The following PRSS23 variants were observed in gnomAD, a reference collection of about 807,000 sequenced individuals.
PRSS23 encodes the protein protease, serine 23.
A neutral mutation model predicts 34.7 loss-of-function variants in PRSS23; 25 were observed. The ratio of observed to expected loss-of-function variants is 0.72; its 90% confidence interval spans 0.53 to 1.01. The LOEUF is 1.01. Ranked by LOEUF, PRSS23 falls within the 50% of genes least tolerant of loss-of-function variation. The pLI is 0.00. For synonymous variants in PRSS23, 176 were observed against 186.6 expected (o/e 0.94, Z 0.46); for missense variants, 445 against 475.6 (o/e 0.94, Z 0.60).
intron 2 of PRSS23, among the ~76,000 whole-genome samples, chr11:86,844,857 AG>A (rs1213982411): frequency 6.6e-6 from 1 of 152,218 alleles, no homozygotes; most frequent in Non-Finnish European, 1.5e-5. Context: ...TGAGAGGCCG[AG>A]GCAGGCAGAT....
chr11:86,829,650 G>A (rs1366700402), intron 2 of PRSS23, among the ~76,000 whole-genome samples: 2 of 152,134 alleles, frequency 1.3e-5, no homozygotes, highest in Non-Finnish European at 2.9e-5. Context: ...TGATGGTGAT[G>A]TACAGATGGG....
rs1457144010 is a variant in PRSS23 at position 86,808,929 on chromosome 11, T to C, written c.*134T>C. The C allele has an allele frequency of 5.3e-6, 4 of 747,750 alleles. No individual in the cohort carries two copies. The highest frequency in any genetic ancestry group is 8.6e-6 in the Non-Finnish European group (4 of 464,300). The allele number at this position is 747,750 out of a possible 1,614,324, so 46.3% of individuals were successfully genotyped here. On this transcript the variant is annotated 3_prime_UTR_variant, in exon 2 of 2. Coordinates refer to ENST00000280258, the MANE Select transcript of PRSS23 (RefSeq NM_007173.6). ...GTGTGTAAGGTGTCTTATAATCTTT[T>C]ACCTATTTCTTACAATTGCAAGATG...
intron 2 of PRSS23, among the ~76,000 whole-genome samples, chr11:86,868,574 C>T (rs531315380): frequency 1.3e-5 from 2 of 152,242 alleles, no homozygotes; most frequent in East Asian, 3.9e-4. Flanking sequence ...CCCAGTCTCC[C>T]TTTGACCCTG....
intron 2 of PRSS23, among the ~76,000 whole-genome samples, chr11:86,828,822 C>A (rs557738341): frequency 2.0e-5 from 3 of 152,104 alleles, no homozygotes; most frequent in African/African-American, 7.2e-5. Flanking sequence ...GAATATTGGC[C>A]CCCACTCTCT....
At chr11:86,877,032 A>C (rs991143462) in intron 2 of PRSS23, among the ~76,000 whole-genome samples, 5 of 152,194 alleles carry the variant, frequency 3.3e-5, no homozygotes, top group Non-Finnish European at 7.3e-5. Flanking sequence ...AGCCATCTCA[A>C]TGAGCGAGGC....
At chr11:86,847,324 G>A (rs759074183) in intron 2 of PRSS23, among the ~76,000 whole-genome samples, 41 of 152,180 alleles carry the variant, frequency 2.7e-4, no homozygotes, top group Admixed American at 6.5e-4. Context: ...CCCAACCCAG[G>A]CCTTGCCACC....
intron 2 of PRSS23, among the ~76,000 whole-genome samples, chr11:86,876,044 G>A (rs939938276): frequency 1.3e-5 from 2 of 152,158 alleles, no homozygotes; most frequent in Admixed American, 1.3e-4. Context: ...AGGTAGACGT[G>A]TACAAGTCAC....
At chr11:86,840,768 C>A (rs1047076400) in intron 2 of PRSS23, among the ~76,000 whole-genome samples, 1 of 152,170 alleles carries the variant, frequency 6.6e-6, no homozygotes, top group Non-Finnish European at 1.5e-5. Context: ...ATCTGTCAGA[C>A]CACAGTGCAA....
intron 2 of PRSS23, among the ~76,000 whole-genome samples, chr11:86,831,453 AT>A (rs1240389911): frequency 6.6e-6 from 1 of 151,640 alleles, no homozygotes; most frequent in Non-Finnish European, 1.5e-5. Flanking sequence ...CCCCTGTGAA[AT>A]TTTTTGTAAT....
At chr11:86,943,405 G>A (rs1227294412) in intron 2 of PRSS23, among the ~76,000 whole-genome samples, 2 of 152,094 alleles carry the variant, frequency 1.3e-5, no homozygotes, top group Non-Finnish European at 2.9e-5. Flanking sequence ...CGGGAGGATC[G>A]CCTGAGGTCA....
At chr11:86,820,427 TGAG>T (rs1382530080) in intron 1 of PRSS23, among the ~76,000 whole-genome samples, 2 of 152,124 alleles carry the variant, frequency 1.3e-5, no homozygotes, top group Non-Finnish European at 2.9e-5. Flanking sequence ...TTAAGGGAAA[TGAG>T]GAGTGGACAG....
intron 2 of PRSS23, among the ~76,000 whole-genome samples, chr11:86,825,709 T>G (rs1360990962): frequency 1.3e-5 from 2 of 152,064 alleles, no homozygotes; most frequent in Non-Finnish European, 2.9e-5. Flanking sequence ...GACTAGCCAG[T>G]TTTCCCAGCA....
At chr11:86,793,110 G>T (rs1159174609) in intron 1 of PRSS23, among the ~76,000 whole-genome samples, 1 of 152,116 alleles carries the variant, frequency 6.6e-6, no homozygotes, top group South Asian at 2.1e-4. Flanking sequence ...TCTTTAGAAG[G>T]CTTCTATATT....
intron 2 of PRSS23, chr11:86,947,877 G>T (rs1175767918): frequency 1.3e-5 from 2 of 152,222 alleles, no homozygotes. Flanking sequence ...TTCTGAGGAA[G>T]CTACAATCAT....
At chr11:86,854,485 T>C (rs144633116) in intron 2 of PRSS23, among the ~76,000 whole-genome samples, 9,873 of 152,290 alleles carry the variant, frequency 0.065, 456 homozygotes, top group Non-Finnish European at 0.093. Flanking sequence ...GTTCACAGTG[T>C]TTTTTGATGC....
At chr11:86,874,363 C>T (rs1384846034) in intron 2 of PRSS23, among the ~76,000 whole-genome samples, 1 of 152,180 alleles carries the variant, frequency 6.6e-6, no homozygotes, top group South Asian at 2.1e-4. Context: ...AATGATGAAA[C>T]ATTTGTTAAT....
At chr11:86,835,654 G>T (rs961556900) in intron 2 of PRSS23, among the ~76,000 whole-genome samples, 1 of 152,202 alleles carries the variant, frequency 6.6e-6, no homozygotes, top group African/African-American at 2.4e-5. Context: ...TTGCTTTAGG[G>T]TTTTAGGATG....
rs1224827269 is a variant in PRSS23, at chr11:86,808,997, A to G, written c.*202A>G. On this transcript the variant is annotated 3_prime_UTR_variant, in exon 2 of 2. Transcript: ENST00000280258. The stretch of plus-strand genomic sequence containing the variant: ...AAAACTGGTTTGTGTATCATATCAT[A>G]TATCATTTAAGCAGTTTGAAGGCAT... 5.8e-6 allele frequency: 3 copies of G among 515,830 alleles called. No individual in the cohort carries two copies. Among genetic ancestry groups the G allele is most frequent in the African/African-American group, 5.8e-5 (3 of 51,700 alleles). 32.0% of individuals were successfully genotyped at this position (515,830 alleles called of 1,614,324 possible).
chr11:86,887,985 G>C (rs960471041), intron 2 of PRSS23, among the ~76,000 whole-genome samples: 2 of 151,848 alleles, frequency 1.3e-5, no homozygotes, highest in African/African-American at 4.8e-5. Flanking sequence ...CTGGGAGGCA[G>C]AGGTTACAGT....
Sources: gnomAD v4.1 joint callset for allele counts (sites outside exome capture counted in the v4.1 genomes callset) on GRCh38, gnomAD v4.1.1 for gene constraint, MANE v1.5 for transcripts, NCBI Gene and HGNC (gene_info 2026-07-23, HGNC 2026-07-21) for gene names.